Variants in ATL2 observed in about 807,000 individuals in gnomAD.
ATL2 encodes atlastin-2.
ATL2 carries 31 observed loss-of-function variants against 73.9 expected under a neutral mutation model. The observed-to-expected ratio is 0.42, with a 90% CI of 0.32 to 0.57. The LOEUF is 0.57. ATL2 is among the 20% of genes least tolerant of loss of function. The pLI, the probability that ATL2 is intolerant of heterozygous loss-of-function variation, is 0.14. For missense variants in ATL2, 738 were observed against 702.6 expected (o/e 1.05, Z -0.57); for synonymous variants, 291 against 237.5 (o/e 1.23, Z -2.07).
At chr2:38,357,298 AGCCTG>A (rs1050699650) in intron 1 of ATL2, among the ~76,000 whole-genome samples, 3 of 152,142 alleles carry the variant, frequency 2.0e-5, no homozygotes, top group Non-Finnish European at 4.4e-5. Context: ...ACTGCACTCC[AGCCTG>A]GCAACAGAGG....
rs191916009 is a variant in ATL2 at position 38,343,840 on chromosome 2, G to C, written c.119-328C>G. ...TCTCCTGTGCTGTTCTCATGATAGT[G>C]AATAAGTCTCACGAAATTTGATGAT... is the stretch of plus-strand genomic sequence containing the variant. On this transcript the variant is annotated intron_variant, in intron 1 of 12. Coordinates refer to ENST00000378954, the MANE Select transcript of ATL2 (RefSeq NM_001135673.4). Among the ~76,000 whole-genome samples the C allele has an allele frequency of 2.4e-4, 37 of 152,118 alleles. 1 individual carries two copies. Among genetic ancestry groups the C allele is most frequent in the Non-Finnish European group, 5.9e-5 (4 of 68,026 alleles).
At chr2:38,346,953 T>C (rs116824362) in intron 1 of ATL2, among the ~76,000 whole-genome samples, 1,792 of 152,318 alleles carry the variant, frequency 0.012, 43 homozygotes, top group African/African-American at 0.041. Context: ...AAATTCACAC[T>C]TACTCCTTAA....
At chr2:38,296,620 T>A in intron 12 of ATL2, 1 of 1,611,066 alleles carries the variant, frequency 6.2e-7, no homozygotes, top group African/African-American at 1.3e-5. Context: ...GTTAGGAGAA[T>A]GAATCAGAGT....
At chr2:38,353,083 G>A (rs890685247) in intron 1 of ATL2, among the ~76,000 whole-genome samples, 2 of 152,228 alleles carry the variant, frequency 1.3e-5, no homozygotes, top group South Asian at 4.1e-4. Flanking sequence ...AGAAGGAAAT[G>A]TAGCCCATAG....
chr2:38,349,549 G>C (rs1186445503), intron 1 of ATL2, among the ~76,000 whole-genome samples: 9 of 149,396 alleles, frequency 6.0e-5, no homozygotes, highest in Admixed American at 6.0e-4. Context: ...GGGAGGGATA[G>C]CATTAGGAGT....
At chr2:38,334,885 ATATATAATATATAT>A (rs1401791300) in intron 2 of ATL2, among the ~76,000 whole-genome samples, 1 of 31,788 alleles carries the variant, frequency 3.1e-5, no homozygotes, top group Non-Finnish European at 1.0e-4. Flanking sequence ...ATATTATATA[ATATATAATATATAT>A]TATTTATAAT....
At chr2:38,345,389 A>G (rs1669961154) in intron 1 of ATL2, among the ~76,000 whole-genome samples, 1 of 152,196 alleles carries the variant, frequency 6.6e-6, no homozygotes. Context: ...CTTATTACCA[A>G]AAGAAGCATC....
chr2:38,377,975 TGC>T (rs1221773496), upstream of ATL2, among the ~76,000 whole-genome samples: 1 of 152,190 alleles, frequency 6.6e-6, no homozygotes, highest in Non-Finnish European at 1.5e-5. Context: ...TGCAGAGGCA[TGC>T]CAGAAAGCAC....
At chr2:38,352,719 T>G (rs1402644905) in intron 1 of ATL2, among the ~76,000 whole-genome samples, 1 of 152,184 alleles carries the variant, frequency 6.6e-6, no homozygotes, top group Non-Finnish European at 1.5e-5. Flanking sequence ...AAGAAACATC[T>G]ATACCTTAGG....
intron 9 of ATL2, among the ~76,000 whole-genome samples, chr2:38,303,709 T>C (rs1667301398): frequency 6.6e-6 from 1 of 151,958 alleles, no homozygotes; most frequent in Non-Finnish European, 1.5e-5. Context: ...TACAAAGCAA[T>C]AACAAAGAAC....
chr2:38,339,361 C>T (rs895877739), intron 2 of ATL2, among the ~76,000 whole-genome samples: 4 of 152,100 alleles, frequency 2.6e-5, no homozygotes, highest in African/African-American at 9.7e-5. Flanking sequence ...GGAAAAACTG[C>T]AGAAGCCGGA....
intron 2 of ATL2, among the ~76,000 whole-genome samples, chr2:38,340,386 A>C (rs2148479676): frequency 6.6e-6 from 1 of 151,844 alleles, no homozygotes; most frequent in Middle Eastern, 3.4e-3. Flanking sequence ...CACACCCCTA[A>C]ATAAGCAAAT....
At chr2:38,371,811 C>T (rs1186620650) in intron 1 of ATL2, among the ~76,000 whole-genome samples, 4 of 151,948 alleles carry the variant, frequency 2.6e-5, no homozygotes, top group Non-Finnish European at 5.9e-5. Context: ...GCACAAGAAT[C>T]GCTTGAACCC....
In ATL2 at chr2:38,298,561, G is replaced by A; in HGVS notation, c.1215C>T (p.Asp405=). 6.2e-7 allele frequency: 1 copy of A among 1,613,800 alleles called. No homozygotes were observed. Among genetic ancestry groups the A allele is most frequent in the African/African-American group, 1.3e-5 (1 of 75,014 alleles). ...CKSMEQVCGG[D]KPYIAPSDLE... ...GATCTGAAGGTGCAATGTAAGGCTT[G>A]TCCCCTCCACATACCTGGACAGACA... The change falls in exon 12 of 13, where the codon GAC becomes GAT. Residue 405 remains aspartate, a synonymous_variant. Coordinates refer to ENST00000378954, the MANE Select transcript of ATL2 (RefSeq NM_001135673.4).
At chr2:38,374,056 T>C (rs1671831925) in intron 1 of ATL2, among the ~76,000 whole-genome samples, 1 of 152,200 alleles carries the variant, frequency 6.6e-6, no homozygotes, top group Admixed American at 6.5e-5. Context: ...CACACCCAGC[T>C]AATTTTGCAT....
At chr2:38,315,144 G>T in intron 5 of ATL2, 140 bp downstream of exon 5, 1 of 800,502 alleles carries the variant, frequency 1.2e-6, no homozygotes, top group African/African-American at 1.8e-5. Context: ...CCAGCTACTT[G>T]GGAGGCTGAG....
At chr2:38,316,688 C>A (rs1668041798) in intron 4 of ATL2, among the ~76,000 whole-genome samples, 1 of 152,122 alleles carries the variant, frequency 6.6e-6, no homozygotes, top group South Asian at 2.1e-4. Flanking sequence ...CACACAACAA[C>A]CACATCCAAG....
intron 1 of ATL2, among the ~76,000 whole-genome samples, chr2:38,370,599 GTC>G (rs1370780895): frequency 1.3e-5 from 2 of 151,792 alleles, no homozygotes; most frequent in African/African-American, 4.8e-5. Context: ...GGTAAGACCC[GTC>G]TCTACTAAAA....
chr2:38,298,581 C>A lies in ATL2; in HGVS notation c.1201-6G>T. Reference sequence around the variant, plus strand: ...GGCTTGTCCCCTCCACATACCTGGACAGACAGAATTACAGTATTACATGCT... The same window carrying A: ...GGCTTGTCCCCTCCACATACCTGGAAAGACAGAATTACAGTATTACATGCT... On this transcript the variant is annotated splice_region_variant and splice_polypyrimidine_tract_variant and intron_variant, in intron 11 of 12. Coordinates refer to ENST00000378954, the MANE Select transcript of ATL2 (RefSeq NM_001135673.4). The A allele has an allele frequency of 6.2e-7, 1 of 1,608,454 alleles. No homozygotes were observed. The highest frequency in any genetic ancestry group is 8.5e-7 in the Non-Finnish European group (1 of 1,177,046).
Sources: gnomAD v4.1 joint callset for allele counts (sites outside exome capture counted in the v4.1 genomes callset) on GRCh38, gnomAD v4.1.1 for gene constraint, MANE v1.5 for transcripts, NCBI Gene and HGNC (gene_info 2026-07-23, HGNC 2026-07-21) for gene names.